The following CNTN2 variants were observed in gnomAD, a reference collection of about 807,000 sequenced individuals.
The protein encoded by CNTN2 is contactin 2, also known as contactin-2.
Under a neutral mutation model 117.5 loss-of-function variants are expected in CNTN2, and 53 were observed. That is an observed-to-expected ratio of 0.45 (90% CI 0.36 to 0.57). The LOEUF is 0.57. Among genes scored for constraint, CNTN2 ranks in the 20% least tolerant of loss-of-function variants. CNTN2 has a pLI of 0.00. For missense variants in CNTN2, 1,106 were observed against 1,404.3 expected (o/e 0.79, Z 3.39); for synonymous variants, 530 against 561.7 (o/e 0.94, Z 0.80).
At chr1:205,054,723 C>T (rs879632151) in intron 2 of CNTN2, among the ~76,000 whole-genome samples, 1 of 152,148 alleles carries the variant, frequency 6.6e-6, no homozygotes, top group Non-Finnish European at 1.5e-5. Flanking sequence ...CATCGCTGGC[C>T]CCCACCCCTC....
At chr1:205,060,630 G>A (rs1653919090) in intron 7 of CNTN2, 1 of 151,308 alleles carries the variant, frequency 6.6e-6, no homozygotes. Context: ...GCAGGAGAAT[G>A]GTGTGAACCC....
chr1:205,056,139 G>A (rs549890077), intron 2 of CNTN2, among the ~76,000 whole-genome samples: 1 of 152,168 alleles, frequency 6.6e-6, no homozygotes, highest in Non-Finnish European at 1.5e-5. Context: ...TGAGAGCAGA[G>A]GAGAAAGGTT....
rs117191265 is a variant in CNTN2 at position 205,074,054 on chromosome 1, A to C, written c.*289A>C. On this transcript the variant is annotated 3_prime_UTR_variant, in exon 23 of 23. Transcript: ENST00000331830. ...CTGCCTGGAGGGAAGGAACAGGCCC[A>C]TGGGAAGAAGGGGGTTTTAAAAACA... 1.1e-3 allele frequency: 604 copies of C among 574,544 alleles called. 6 individuals are homozygous for C. The East Asian group carries it at 0.014, about 13-fold the overall frequency. 35.6% of individuals were successfully genotyped at this position (574,544 alleles called of 1,614,324 possible).
At chr1:205,062,236 GTCACC>G in intron 9 of CNTN2, 199 bp from the exon 10 acceptor site, 1 of 836,560 alleles carries the variant, frequency 1.2e-6, no homozygotes, top group Non-Finnish European at 1.8e-6. Context: ...TCCTGACTGG[GTCACC>G]TCACCCTTCC....
In CNTN2 at chr1:205,059,360, T is replaced by A. The variant is rs1236981439; in HGVS notation, c.697+67T>A. ...GGGTCAGCGGGCATTAGGAAAAGGG[T>A]TTTTCCTTTGGAGATTGGAAGATCA... On this transcript the variant is annotated intron_variant, in intron 6 of 22. Transcript: ENST00000331830. This position sits in a 1 kb window ranked among gnomAD's most constrained non-coding sequence, Gnocchi z 5.6. 9.5e-6 allele frequency: 14 copies of A among 1,475,248 alleles called. No homozygotes were observed. In the East Asian group the frequency reaches 3.1e-4, roughly 33 times the overall value. The allele number at this position is 1,475,248 out of a possible 1,614,324, so 91.4% of individuals were successfully genotyped here.
At chr1:205,055,886 C>T (rs1407635609) in intron 2 of CNTN2, among the ~76,000 whole-genome samples, 14 of 152,186 alleles carry the variant, frequency 9.2e-5, no homozygotes, top group Non-Finnish European at 5.9e-5. Context: ...AGCAGTCCGT[C>T]TATAGCACCT....
chr1:205,043,069 G>C (rs537051591), upstream of CNTN2: 10 of 151,460 alleles, frequency 6.6e-5, no homozygotes, highest in African/African-American at 2.4e-4. Flanking sequence ...GGGGACGGAA[G>C]TGGGGTGGGA....
At position 205,070,463 on chromosome 1, in the gene CNTN2, G is replaced by C; in HGVS notation, c.2469G>C (p.Gly823=). ...RVAPTKVWAK[G]VSSSEMNVTW... Reference sequence around the variant, plus strand: ...CCCCTACCAAGGTGTGGGCCAAAGGGGTCTCATCCTCAGAGATGAACGTGA... The same window carrying C: ...CCCCTACCAAGGTGTGGGCCAAAGGCGTCTCATCCTCAGAGATGAACGTGA... Residue 823 remains glycine (G), a synonymous_variant, in exon 19 of 23, where the codon GGG becomes GGC. Transcript: ENST00000331830. 1 of 1,613,964 alleles carries C rather than the reference G, an allele frequency of 6.2e-7. No individual in the cohort carries two copies. The highest frequency in any genetic ancestry group is 8.5e-7 in the Non-Finnish European group (1 of 1,179,956).
chr1:205,073,813 G>A lies in CNTN2; in HGVS notation c.*48G>A, dbSNP rs745675348. 6 of 1,494,112 alleles carry A rather than the reference G, an allele frequency of 4.0e-6. No individual in the cohort carries two copies. In the South Asian group the frequency reaches 5.7e-5, roughly 14 times the overall value. 92.6% of individuals were successfully genotyped at this position (1,494,112 alleles called of 1,614,324 possible). On this transcript the variant is annotated 3_prime_UTR_variant, in exon 23 of 23. Transcript: ENST00000331830. The surrounding 1 kb of genome is among the most constrained non-coding windows in gnomAD (Gnocchi z 6.3). Reference sequence around the variant, plus strand: ...CCGCAGCTGGACGCCACCTCCGACGGACACAGCCAGCCCCTTCCTGCTGCC... The same window carrying A: ...CCGCAGCTGGACGCCACCTCCGACGAACACAGCCAGCCCCTTCCTGCTGCC...
At chr1:205,067,368 G>C (rs1436021598) in intron 16 of CNTN2, 118 bp downstream of exon 16, 1 of 1,272,890 alleles carries the variant, frequency 7.9e-7, no homozygotes, top group African/African-American at 1.5e-5. Context: ...ACAGGGTTCA[G>C]ACTCTCACAA....
intron 1 of CNTN2, among the ~76,000 whole-genome samples, chr1:205,044,272 G>A (rs918049571): frequency 2.6e-5 from 4 of 152,156 alleles, no homozygotes; most frequent in Admixed American, 6.5e-5. Flanking sequence ...TGGAGGTGGG[G>A]GGCAGCCCCA....
Position 205,057,909 on chromosome 1 carries a change from C to T in CNTN2, c.71-12C>T. Reference sequence around the variant, plus strand: ...AAGGCTCTGAGGCATCTGGTGGTGTCATCACCTGCAGCTTGGAGTTCAGCC... The same window carrying T: ...AAGGCTCTGAGGCATCTGGTGGTGTTATCACCTGCAGCTTGGAGTTCAGCC... On this transcript the variant is annotated splice_polypyrimidine_tract_variant and intron_variant, in intron 2 of 22. Coordinates refer to ENST00000331830, the MANE Select transcript of CNTN2 (RefSeq NM_005076.5). 6.2e-7 allele frequency: 1 copy of T among 1,611,896 alleles called. No homozygotes were observed. Among genetic ancestry groups the T allele is most frequent in the Non-Finnish European group, 8.5e-7 (1 of 1,178,440 alleles).
chr1:205,072,326 C>A, intron 20 of CNTN2, 157 bp from the exon 21 acceptor site: 1 of 831,550 alleles, frequency 1.2e-6, no homozygotes, highest in Non-Finnish European at 1.8e-6. Flanking sequence ...ACTTCTCCAA[C>A]CTTTGGATTT....
Position 205,061,220 on chromosome 1 carries a change from C to T in CNTN2, c.798-25C>T, listed in dbSNP as rs1285715656. 6 of 1,589,088 alleles carry T rather than the reference C, an allele frequency of 3.8e-6. No individual in the cohort carries two copies. Among genetic ancestry groups the T allele is most frequent in the Non-Finnish European group, 5.2e-6 (6 of 1,164,138 alleles). ...GGGGTAGGCCCAGCTCAGCCCACAC[C>T]CTCTGGCTTTGTCTCTCCTGCCAGC... On this transcript the variant is annotated intron_variant, in intron 7 of 22. Coordinates refer to ENST00000331830, the MANE Select transcript of CNTN2 (RefSeq NM_005076.5). This position sits in a 1 kb window ranked among gnomAD's most constrained non-coding sequence, Gnocchi z 4.8.
intron 9 of CNTN2, 160 bp from the exon 10 acceptor site, chr1:205,062,280 T>C (rs1014228413): frequency 3.3e-5 from 35 of 1,060,978 alleles, no homozygotes; most frequent in Non-Finnish European, 4.7e-5. Flanking sequence ...GTAATCTGCA[T>C]CCTGAGGTTC....
rs199620033 is a variant in CNTN2 at position 205,050,283 on chromosome 1, G to GTA, written c.-86-2816_-86-2815insAT. ...CTGCTGACCCTAGAGCTCTGAGTGT[G>GTA]TGTGTGTGTGTGTGTGTGTGTGTGT... On this transcript the variant is annotated intron_variant, in intron 1 of 22. Transcript: ENST00000331830. Among the ~76,000 whole-genome samples, 216 of 50,072 alleles carry GTA rather than the reference G, an allele frequency of 4.3e-3. 2 individuals carry two copies. The highest frequency in any genetic ancestry group is 0.012 in the African/African-American group (200 of 16,316). 32.8% of individuals were successfully genotyped at this position (50,072 alleles called of 152,430 possible).
In CNTN2 at chr1:205,065,916, G is replaced by A. The variant is rs1574654087; in HGVS notation, c.1816+7G>A. On this transcript the variant is annotated splice_region_variant and intron_variant, in intron 14 of 22. Transcript: ENST00000331830. This position sits in a 1 kb window ranked among gnomAD's most constrained non-coding sequence, Gnocchi z 4.1. ...GCCACAGTCCTGGTCCGAGGTGAGG[G>A]GTTTCCCACCTCTACCCCTACCCCA... The A allele has an allele frequency of 6.2e-7, 1 of 1,606,732 alleles. No individual in the cohort carries two copies. The highest frequency in any genetic ancestry group is 8.5e-7 in the Non-Finnish European group (1 of 1,176,024).
At chr1:205,071,395 C>T (rs1267534326) in intron 19 of CNTN2, among the ~76,000 whole-genome samples, 1 of 152,196 alleles carries the variant, frequency 6.6e-6, no homozygotes, top group African/African-American at 2.4e-5. Context: ...AGTGATAGCA[C>T]AAGTTCATTC....
chr1:205,073,762 C>T lies in CNTN2; in HGVS notation c.3120C>T (p.Leu1040=), dbSNP rs759288226. 1 of 1,612,804 alleles carries T rather than the reference C, an allele frequency of 6.2e-7. No individual in the cohort carries two copies. The highest frequency in any genetic ancestry group is 1.7e-5 in the Admixed American group (1 of 60,016). The part of the protein sequence containing the change: ...AMLILIGSLE[L] The stretch of plus-strand genomic sequence containing the variant: ...TGATCCTCATAGGCTCCCTGGAGCT[C>T]TGATCCTGGAACCCCTCCCTCTGCG... The change falls in exon 23 of 23, where the codon CTC becomes CTT. Residue 1040 remains leucine (L), a synonymous_variant. Transcript: ENST00000331830. The surrounding 1 kb of genome is among the most constrained non-coding windows in gnomAD (Gnocchi z 6.3).
Sources: gnomAD v4.1 joint callset for allele counts (sites outside exome capture counted in the v4.1 genomes callset) on GRCh38, gnomAD v4.1.1 for gene constraint, Gnocchi (gnomAD v3.1) non-coding constraint, MANE v1.5 for transcripts, NCBI Gene and HGNC (gene_info 2026-07-23, HGNC 2026-07-21) for gene names.